Variants in ATP6V0D2 observed in about 807,000 individuals in gnomAD.
The protein encoded by ATP6V0D2 is V-type proton ATPase subunit d 2.
Under a neutral mutation model 40.0 loss-of-function variants are expected in ATP6V0D2, and 40 were observed. That is an observed-to-expected ratio of 1.00 (90% CI 0.78 to 1.30). The LOEUF (loss-of-function observed/expected upper bound fraction) is 1.30. Among genes scored for constraint, ATP6V0D2 ranks in the 50% most tolerant of loss-of-function variants. The pLI, the probability that ATP6V0D2 is intolerant of heterozygous loss-of-function variation, is 0.00. For missense variants in ATP6V0D2, 470 were observed against 423.1 expected, an observed-to-expected ratio of 1.11 and a Z score of -0.97; for synonymous variants, 179 against 156.3, an observed-to-expected ratio of 1.15 and a Z score of -1.08.
At chr8:86,144,650 T>A (rs759828377) in intron 5 of ATP6V0D2, among the ~76,000 whole-genome samples, 2 of 152,082 alleles carry the variant, frequency 1.3e-5, no homozygotes, top group Non-Finnish European at 2.9e-5. Flanking sequence ...TGCTATTCCT[T>A]ATTGAGATTT....
At chr8:86,130,218 T>A (rs943779906) in intron 2 of ATP6V0D2, among the ~76,000 whole-genome samples, 1 of 152,096 alleles carries the variant, frequency 6.6e-6, no homozygotes, top group Non-Finnish European at 1.5e-5. Flanking sequence ...GTGCTCTTTT[T>A]TACCATTTTC....
rs112076626 is a variant in ATP6V0D2 at position 86,140,976 on chromosome 8, C to T, written c.482-474C>T. Among the ~76,000 whole-genome samples, 131 of 152,260 alleles carry T rather than the reference C, an allele frequency of 8.6e-4. 1 individual carries two copies. Among genetic ancestry groups the T allele is most frequent in the African/African-American group, 2.7e-3 (114 of 41,554 alleles). On this transcript the variant is annotated intron_variant, in intron 3 of 7. Transcript: ENST00000285393. ...TGGGTGATGGGAGACAGTGACAGAT[C>T]ATCAGGCATTAGACTCTCATAAGTA...
intron 1 of ATP6V0D2, among the ~76,000 whole-genome samples, chr8:86,108,680 T>C (rs7827741): frequency 0.86 from 130,171 of 152,124 alleles, 56,024 homozygotes; most frequent in African/African-American, 0.94. Flanking sequence ...GCAACCCTCC[T>C]GCCTCGGCCT....
chr8:86,139,331 A>G, intron 2 of ATP6V0D2, 126 bp from the exon 3 acceptor site: 3 of 715,858 alleles, frequency 4.2e-6, no homozygotes, highest in South Asian at 2.9e-5. Context: ...TGTTTAAAAT[A>G]AAAAGAGACT....
intron 2 of ATP6V0D2, among the ~76,000 whole-genome samples, chr8:86,132,331 G>A (rs141955542): frequency 6.6e-6 from 1 of 152,160 alleles, no homozygotes; most frequent in African/African-American, 2.4e-5. Flanking sequence ...TTGTCATTCT[G>A]TGTTGGGAAC....
chr8:86,117,035 A>T (rs1469250958), intron 2 of ATP6V0D2, among the ~76,000 whole-genome samples: 1 of 150,788 alleles, frequency 6.6e-6, no homozygotes, highest in Non-Finnish European at 1.5e-5. Flanking sequence ...TATTTTTGTT[A>T]GAGTTTTCAG....
chr8:86,113,387 C>T (rs1395567982), intron 1 of ATP6V0D2, among the ~76,000 whole-genome samples: 1 of 152,102 alleles, frequency 6.6e-6, no homozygotes, highest in African/African-American at 2.4e-5. Flanking sequence ...GAGGCTGAAG[C>T]AGGAAAATTG....
intron 1 of ATP6V0D2, among the ~76,000 whole-genome samples, chr8:86,111,947 G>T (rs1190922359): frequency 1.3e-5 from 2 of 152,114 alleles, no homozygotes; most frequent in Non-Finnish European, 2.9e-5. Flanking sequence ...CCAAACAGTG[G>T]GTTTCCTTGG....
At chr8:86,104,878 C>CACACACACACACAT (rs928397464) in intron 1 of ATP6V0D2, among the ~76,000 whole-genome samples, 8 of 151,626 alleles carry the variant, frequency 5.3e-5, no homozygotes, top group Admixed American at 6.6e-5. Context: ...CACACACACA[C>CACACACACACACAT]ATCAAGAGCT....
At chr8:86,145,318 GA>G (rs1414479266) in intron 5 of ATP6V0D2, among the ~76,000 whole-genome samples, 8 of 41,556 alleles carry the variant, frequency 1.9e-4, no homozygotes, top group African/African-American at 1.0e-3. Flanking sequence ...AGAAAAGAAA[GA>G]AGGAAAGAAG....
chr8:86,131,855 A>G (rs1316009188), intron 2 of ATP6V0D2, among the ~76,000 whole-genome samples: 1 of 152,090 alleles, frequency 6.6e-6, no homozygotes, highest in Non-Finnish European at 1.5e-5. Context: ...GAAAGAAATT[A>G]AAACCTATCT....
chr8:86,104,795 CTTTTTCTGCCTTA>C (rs1818448159), intron 1 of ATP6V0D2, among the ~76,000 whole-genome samples: 1 of 151,088 alleles, frequency 6.6e-6, no homozygotes, highest in Admixed American at 6.6e-5. Context: ...AATTATAGCA[CTTTTTCTGCCTTA>C]TATTAAAAAG....
At chr8:86,107,582 T>C (rs1818484208) in intron 1 of ATP6V0D2, among the ~76,000 whole-genome samples, 1 of 152,180 alleles carries the variant, frequency 6.6e-6, no homozygotes, top group Non-Finnish European at 1.5e-5. Context: ...ATTCTGGCAA[T>C]GGTAAAACGC....
At chr8:86,103,388 C>T (rs1018727392) in intron 1 of ATP6V0D2, among the ~76,000 whole-genome samples, 1 of 151,552 alleles carries the variant, frequency 6.6e-6, no homozygotes, top group Non-Finnish European at 1.5e-5. Flanking sequence ...GCCTTGGCCT[C>T]CTAAAGTGCT....
intron 2 of ATP6V0D2, among the ~76,000 whole-genome samples, chr8:86,121,475 C>T (rs1041634641): frequency 6.6e-6 from 1 of 152,008 alleles, no homozygotes; most frequent in African/African-American, 2.4e-5. Flanking sequence ...GAGGCTGAGG[C>T]GTGAGAATTG....
At chr8:86,117,080 T>C (rs1203058771) in intron 2 of ATP6V0D2, among the ~76,000 whole-genome samples, 1 of 152,242 alleles carries the variant, frequency 6.6e-6, no homozygotes, top group Non-Finnish European at 1.5e-5. Context: ...TATTTGTAAA[T>C]TAAGAAAGTT....
At chr8:86,099,150 A>AAGG in intron 1 of ATP6V0D2, 42 bp downstream of exon 1, 1 of 1,555,472 alleles carries the variant, frequency 6.4e-7, no homozygotes, top group Non-Finnish European at 8.6e-7. Flanking sequence ...AAAAAAAAAA[A>AAGG]AATGAAATGA....
intron 5 of ATP6V0D2, 150 bp downstream of exon 5, chr8:86,143,104 A>G: frequency 2.0e-6 from 1 of 504,994 alleles, no homozygotes; most frequent in Non-Finnish European, 3.4e-6. Flanking sequence ...ATGATTTGAT[A>G]TATTTGATTA....
At chr8:86,143,019 CCTTA>C (rs1818998912) in intron 5 of ATP6V0D2, 65 bp downstream of exon 5, 2 of 1,170,832 alleles carry the variant, frequency 1.7e-6, no homozygotes, top group Admixed American at 2.2e-5. Context: ...ATTGTTTTAA[CCTTA>C]CTTATATTTC....
Sources: gnomAD v4.1 joint callset for allele counts (sites outside exome capture counted in the v4.1 genomes callset) on GRCh38, gnomAD v4.1.1 for gene constraint, MANE v1.5 for transcripts, NCBI Gene and HGNC (gene_info 2026-07-23, HGNC 2026-07-21) for gene names.